The following PRKCQ variants were observed in gnomAD, a reference collection of about 807,000 sequenced individuals.
PRKCQ encodes protein kinase C theta type.
In PRKCQ, 41 loss-of-function variants were observed where a neutral mutation model predicts 91.2. The ratio of observed to expected loss-of-function variants is 0.45; its 90% confidence interval spans 0.35 to 0.58. The LOEUF is 0.58. Ranked by LOEUF, PRKCQ falls within the 20% of genes least tolerant of loss-of-function variation. The pLI is 0.00. For missense variants in PRKCQ, 673 were observed against 896.5 expected, an observed-to-expected ratio of 0.75 and a Z score of 3.18; for synonymous variants, 307 against 316.9, an observed-to-expected ratio of 0.97 and a Z score of 0.33.
chr10:6,522,089 G>A (rs1381913513), intron 1 of PRKCQ, among the ~76,000 whole-genome samples: 2 of 152,072 alleles, frequency 1.3e-5, no homozygotes, highest in Non-Finnish European at 2.9e-5. Flanking sequence ...TTACAGGTGC[G>A]TGCCACCACG....
intron 1 of PRKCQ, among the ~76,000 whole-genome samples, chr10:6,528,092 C>T (rs930316289): frequency 6.6e-6 from 1 of 151,962 alleles, no homozygotes; most frequent in Non-Finnish European, 1.5e-5. Context: ...GCCTCACTGC[C>T]TCCCTCCTCC....
chr10:6,547,010 T>C (rs1436838766), intron 1 of PRKCQ, among the ~76,000 whole-genome samples: 2 of 151,958 alleles, frequency 1.3e-5, no homozygotes, highest in Admixed American at 6.6e-5. Flanking sequence ...TTGTCTTTGG[T>C]TCTGTTTATA....
At chr10:6,559,221 G>C (rs1002538843) in intron 1 of PRKCQ, among the ~76,000 whole-genome samples, 12 of 152,184 alleles carry the variant, frequency 7.9e-5, no homozygotes, top group Admixed American at 6.5e-5. Context: ...CTAGGTGCCA[G>C]GAAAAGAACT....
intron 4 of PRKCQ, among the ~76,000 whole-genome samples, chr10:6,505,008 C>A (rs1353270518): frequency 2.6e-5 from 4 of 151,956 alleles, no homozygotes; most frequent in Non-Finnish European, 5.9e-5. Flanking sequence ...ATTCTCCTGC[C>A]TCAGCCTCCC....
At chr10:6,451,399 G>C (rs534765909) in intron 15 of PRKCQ, among the ~76,000 whole-genome samples, 1 of 152,114 alleles carries the variant, frequency 6.6e-6, no homozygotes, top group Non-Finnish European at 1.5e-5. Context: ...TCTCTGAATA[G>C]ACCAATAACA....
At chr10:6,513,643 A>G (rs953153337) in intron 2 of PRKCQ, among the ~76,000 whole-genome samples, 3 of 152,220 alleles carry the variant, frequency 2.0e-5, no homozygotes, top group Non-Finnish European at 4.4e-5. Context: ...TTAACTAAAC[A>G]GGAGAGAACT....
chr10:6,411,669 A>G, the PRKCQ span, among the ~76,000 whole-genome samples: 1 of 152,186 alleles, frequency 6.6e-6, no homozygotes, highest in African/African-American at 2.4e-5. Flanking sequence ...AGGGTTGAGT[A>G]GTTGCAACAC....
At chr10:6,470,191 C>G (rs1835883376) in intron 12 of PRKCQ, among the ~76,000 whole-genome samples, 1 of 152,160 alleles carries the variant, frequency 6.6e-6, no homozygotes, top group Non-Finnish European at 1.5e-5. Context: ...AATATATGAT[C>G]CTTTCTCTCT....
At chr10:6,457,504 C>A (rs931499318) in intron 14 of PRKCQ, among the ~76,000 whole-genome samples, 1 of 152,174 alleles carries the variant, frequency 6.6e-6, no homozygotes, top group African/African-American at 2.4e-5. Flanking sequence ...TCAGGGACTT[C>A]GCTCCTCATG....
chr10:6,441,951 A>G lies in PRKCQ; in HGVS notation c.1778T>C (p.Met593Thr). 1 of 1,614,082 alleles carries G rather than the reference A, an allele frequency of 6.2e-7. No individual in the cohort carries two copies. Among genetic ancestry groups the G allele is most frequent in the Non-Finnish European group, 8.5e-7 (1 of 1,179,962 alleles). ...DEEELFHSIR[M>T]DNPFYPRWLE... is the part of the protein sequence containing the mutation. The stretch of plus-strand genomic sequence containing the variant: ...CCACCGTGGGTAAAAGGGATTGTCC[A>G]TGCGGATGGAGTGGAAGAGCTCCTC... Residue 593 changes from methionine (M) to threonine (T), a missense_variant, in exon 16 of 18, where the codon ATG becomes ACG. Met to Thr is a moderately conservative substitution (Grantham distance 81). Transcript: ENST00000263125.
intron 12 of PRKCQ, among the ~76,000 whole-genome samples, chr10:6,471,094 C>T (rs1336328664): frequency 1.3e-5 from 2 of 152,146 alleles, no homozygotes; most frequent in African/African-American, 4.8e-5. Flanking sequence ...GACCAGCCTT[C>T]CTGGCACCTG....
rs1331779444 is a variant in PRKCQ at position 6,430,629 on chromosome 10, C to T, written c.1965+181G>A. Among the ~76,000 whole-genome samples, 1 of 152,164 alleles carries T rather than the reference C, an allele frequency of 6.6e-6. No homozygotes were observed. Among genetic ancestry groups the T allele is most frequent in the Non-Finnish European group, 1.5e-5 (1 of 68,038 alleles). The stretch of plus-strand genomic sequence containing the variant: ...TAAATTTTGCAAACAAGAGTGACCT[C>T]CCCTCCCTGCCCCACCAGCCCAGTA... On this transcript the variant is annotated intron_variant, in intron 17 of 17. Transcript: ENST00000263125. This position sits in a 1 kb window ranked among gnomAD's most constrained non-coding sequence, Gnocchi z 4.7.
chr10:6,512,144 A>C (rs886744717), intron 2 of PRKCQ: 2 of 152,358 alleles, frequency 1.3e-5, no homozygotes, highest in East Asian at 3.9e-4. Flanking sequence ...CTCCTTTAAG[A>C]AATATTTACA....
At chr10:6,577,746 TCAG>T (rs1455157235) in intron 1 of PRKCQ, among the ~76,000 whole-genome samples, 6 of 152,038 alleles carry the variant, frequency 3.9e-5, no homozygotes, top group Non-Finnish European at 7.4e-5. Flanking sequence ...AACAACATAA[TCAG>T]CAACTCTAAG....
In PRKCQ at chr10:6,465,055, G is replaced by A. The variant is rs1037224421; in HGVS notation, c.1354-651C>T. Among the ~76,000 whole-genome samples, 11 of 152,116 alleles carry A rather than the reference G, an allele frequency of 7.2e-5. No individual in the cohort carries two copies. Among genetic ancestry groups the A allele is most frequent in the African/African-American group, 1.4e-4 (6 of 41,408 alleles). On this transcript the variant is annotated intron_variant, in intron 12 of 17. Coordinates refer to ENST00000263125, the MANE Select transcript of PRKCQ (RefSeq NM_006257.5). The surrounding 1 kb of genome is among the most constrained non-coding windows in gnomAD (Gnocchi z 4.4). ...GCACTTAGGGCACTTAGCATGTGCC[G>A]ATTGTATACTTATTGAAAGTGACAG...
At chr10:6,533,241 A>G (rs1839456374) in intron 1 of PRKCQ, among the ~76,000 whole-genome samples, 1 of 152,166 alleles carries the variant, frequency 6.6e-6, no homozygotes, top group Admixed American at 6.5e-5. Flanking sequence ...TCAGCTGCCC[A>G]GGCTGGAGTG....
At chr10:6,408,046 GTTTTTTTTTTTTTTTT>G in the PRKCQ span, among the ~76,000 whole-genome samples, 1 of 84,228 alleles carries the variant, frequency 1.2e-5, no homozygotes, top group African/African-American at 5.6e-5. Flanking sequence ...TCTTGTGTCA[GTTTTTTTTTTTTTTTT>G]TTTTTTTTTT....
chr10:6,568,260 C>T (rs1299426600), intron 1 of PRKCQ, among the ~76,000 whole-genome samples: 1 of 151,804 alleles, frequency 6.6e-6, no homozygotes. Flanking sequence ...AAACAAAAAT[C>T]CCCCCAAAAC....
chr10:6,466,832 A>G (rs1443628293), intron 12 of PRKCQ, among the ~76,000 whole-genome samples: 1 of 152,202 alleles, frequency 6.6e-6, no homozygotes, highest in Non-Finnish European at 1.5e-5. Flanking sequence ...CTGGGCTGGC[A>G]TAGATAGAAA....
Sources: gnomAD v4.1 joint callset for allele counts (sites outside exome capture counted in the v4.1 genomes callset) on GRCh38, gnomAD v4.1.1 for gene constraint, Gnocchi (gnomAD v3.1) non-coding constraint, MANE v1.5 for transcripts, NCBI Gene and HGNC (gene_info 2026-07-23, HGNC 2026-07-21) for gene names.